The following TP63 variants were observed in gnomAD, a reference collection of about 807,000 sequenced individuals.
TP63 encodes tumor protein p63.
In TP63, 17 loss-of-function variants were observed where a neutral mutation model predicts 82.8. The ratio of observed to expected loss-of-function variants is 0.21; its 90% CI spans 0.14 to 0.31. The LOEUF is 0.31. Among genes scored for constraint, TP63 ranks in the 10% least tolerant of loss-of-function variants. The pLI, the probability that TP63 is intolerant of heterozygous loss-of-function variation, is 1.00. For missense variants in TP63, 648 were observed against 895.3 expected, an observed-to-expected ratio of 0.72 and a Z score of 3.52; for synonymous variants, 330 against 321.7, an observed-to-expected ratio of 1.03 and a Z score of -0.28.
At chr3:189,776,867 G>A (rs907796162) in intron 3 of TP63, among the ~76,000 whole-genome samples, 3 of 152,186 alleles carry the variant, frequency 2.0e-5, no homozygotes, top group African/African-American at 7.2e-5. Context: ...TTGATCTTTG[G>A]TGATAGCAAT....
At chr3:189,869,270 C>T (rs753491691) in intron 8 of TP63, 54 bp from the exon 9 acceptor site, 3 of 1,289,144 alleles carry the variant, frequency 2.3e-6, no homozygotes, top group Non-Finnish European at 3.4e-6. Context: ...ATTTAATATG[C>T]ATTAGTGCTT....
intron 3 of TP63, among the ~76,000 whole-genome samples, chr3:189,774,441 C>G (rs1405075512): frequency 6.6e-6 from 1 of 152,138 alleles, no homozygotes; most frequent in Admixed American, 6.5e-5. Context: ...CTTTTGTGAG[C>G]TGAGAAGTCT....
At chr3:189,714,905 A>G (rs1228523524) in intron 1 of TP63, among the ~76,000 whole-genome samples, 2 of 152,182 alleles carry the variant, frequency 1.3e-5, no homozygotes, top group African/African-American at 2.4e-5. Flanking sequence ...CAACCAGAGA[A>G]GCACTGGGAG....
At chr3:189,624,524 C>T in the TP63 span, among the ~76,000 whole-genome samples, 1 of 152,084 alleles carries the variant, frequency 6.6e-6, no homozygotes, top group Admixed American at 6.6e-5. Context: ...AACAGCCTTT[C>T]CTCCTGCAGC....
intron 3 of TP63, among the ~76,000 whole-genome samples, chr3:189,761,956 C>T (rs1722617126): frequency 1.3e-5 from 2 of 152,156 alleles, no homozygotes; most frequent in South Asian, 4.1e-4. Context: ...ATCACGAGAA[C>T]AGCATGGGAA....
In TP63 at chr3:189,772,948, A is replaced by G. The variant is rs181846122; in HGVS notation, c.324+34174A>G. Among the ~76,000 whole-genome samples, 247 of 152,334 alleles carry G rather than the reference A, an allele frequency of 1.6e-3. 2 individuals are homozygous for G. The highest frequency in any genetic ancestry group is 5.6e-3 in the African/African-American group (232 of 41,568). On this transcript the variant is annotated intron_variant, in intron 3 of 13. Coordinates refer to ENST00000264731, the MANE Select transcript of TP63 (RefSeq NM_003722.5). ...TCTGAGCATCTGAAGGCAGCTGTAT[A>G]CTTAAACATCAAGGTCCCTTAGTGT...
At chr3:189,657,263 G>A (rs1713466749) in intron 1 of TP63, among the ~76,000 whole-genome samples, 1 of 152,040 alleles carries the variant, frequency 6.6e-6, no homozygotes, top group South Asian at 2.1e-4. Flanking sequence ...CTGCAGTGAT[G>A]CATACATGAT....
chr3:189,760,067 CA>C (rs1407868169), intron 3 of TP63, among the ~76,000 whole-genome samples: 1 of 152,174 alleles, frequency 6.6e-6, no homozygotes, highest in African/African-American at 2.4e-5. Context: ...AATCCTCTAC[CA>C]CTGGGTCCCT....
chr3:189,747,219 G>A (rs1721448631), intron 3 of TP63, among the ~76,000 whole-genome samples: 1 of 152,008 alleles, frequency 6.6e-6, no homozygotes, highest in African/African-American at 2.4e-5. Context: ...AAGAAACACT[G>A]GATTTGAACT....
chr3:189,845,804 A>C (rs1020114861), intron 4 of TP63, among the ~76,000 whole-genome samples: 16 of 150,586 alleles, frequency 1.1e-4, no homozygotes, highest in Admixed American at 1.0e-3. Context: ...GTGAGAGTTT[A>C]TTTCATCCAT....
the TP63 span, among the ~76,000 whole-genome samples, chr3:189,620,442 G>A: frequency 2.7e-5 from 4 of 148,394 alleles, no homozygotes; most frequent in Admixed American, 6.9e-5. Flanking sequence ...CCTGGGAGGC[G>A]GAGGTTGCAG....
chr3:189,615,307 G>A, the TP63 span, among the ~76,000 whole-genome samples: 1 of 151,986 alleles, frequency 6.6e-6, no homozygotes, highest in Non-Finnish European at 1.5e-5. Flanking sequence ...CATCCACCTG[G>A]CATGTTCCTC....
intron 1 of TP63, among the ~76,000 whole-genome samples, chr3:189,659,630 TCTC>T (rs1200734804): frequency 1.3e-5 from 2 of 152,100 alleles, no homozygotes; most frequent in African/African-American, 4.8e-5. Context: ...CTTTGAGAAA[TCTC>T]CTAATTGCTT....
At chr3:189,647,101 T>A (rs9824378) in intron 1 of TP63, among the ~76,000 whole-genome samples, 2 of 145,552 alleles carry the variant, frequency 1.4e-5, no homozygotes, top group African/African-American at 5.2e-5. Context: ...TGTTTAGCAC[T>A]TGGTCGCTTC....
At chr3:189,714,496 G>A (rs925824341) in intron 1 of TP63, among the ~76,000 whole-genome samples, 8 of 152,098 alleles carry the variant, frequency 5.3e-5, no homozygotes, top group African/African-American at 9.7e-5. Flanking sequence ...GTGTATGTTC[G>A]TACACCAATT....
intron 1 of TP63, among the ~76,000 whole-genome samples, chr3:189,731,747 A>G (rs1295991880): frequency 6.6e-6 from 1 of 152,202 alleles, no homozygotes; most frequent in Non-Finnish European, 1.5e-5. Flanking sequence ...GAAAAGAAAA[A>G]AAAAATTGAC....
the TP63 span, among the ~76,000 whole-genome samples, chr3:189,618,143 A>G: frequency 1.3e-5 from 2 of 152,180 alleles, no homozygotes; most frequent in African/African-American, 2.4e-5. Flanking sequence ...CCCTTCTAAG[A>G]GCAGAGTTCA....
At position 189,894,357 on chromosome 3, in the gene TP63, C is replaced by A. The variant is rs1411272519; in HGVS notation, c.1898C>A (p.Thr633Asn). The A allele has an allele frequency of 1.2e-6, 2 of 1,613,980 alleles. No homozygotes were observed. The highest frequency in any genetic ancestry group is 2.7e-5 in the African/African-American group (2 of 74,920). The change falls in exon 14 of 14, where the codon ACC becomes AAC. Residue 633 changes from threonine (T) to asparagine (N), a missense_variant. Coordinates refer to ENST00000264731, the MANE Select transcript of TP63 (RefSeq NM_003722.5). ...ACAGTCAGTGTGGGCTCCAGTGAGA[C>A]CCGGGGTGAGCGTGTTATTGATGCT... is the stretch of plus-strand genomic sequence containing the variant. Reference protein sequence around the residue: ...ASTVSVGSSETRGERVIDAVR... With the variant: ...ASTVSVGSSENRGERVIDAVR...
At chr3:189,785,465 ACTG>A (rs1724528622) in intron 3 of TP63, among the ~76,000 whole-genome samples, 1 of 152,080 alleles carries the variant, frequency 6.6e-6, no homozygotes. Context: ...GAATTTTATT[ACTG>A]CTTTTATTTA....
Sources: gnomAD v4.1 joint callset for allele counts (sites outside exome capture counted in the v4.1 genomes callset) on GRCh38, gnomAD v4.1.1 for gene constraint, MANE v1.5 for transcripts, NCBI Gene and HGNC (gene_info 2026-07-23, HGNC 2026-07-21) for gene names.